MYH7B: variants seen among roughly 807,000 people sequenced by gnomAD.
MYH7B encodes the protein myosin heavy chain 7B, also known as myosin-7B.
Under a neutral mutation model 234.5 loss-of-function variants are expected in MYH7B, and 205 were observed. That is an observed-to-expected ratio of 0.87 (90% CI 0.78 to 0.98). The LOEUF (loss-of-function observed/expected upper bound fraction) is 0.98, where lower values mean the gene tolerates loss of function less well. Among genes scored for constraint, MYH7B ranks in the 50% least tolerant of loss-of-function variants. MYH7B has a pLI of 0.00. For missense variants in MYH7B, 2,652 were observed against 2,633.4 expected (o/e 1.01, Z -0.15); for synonymous variants, 1,193 against 1,105.0 (o/e 1.08, Z -1.58).
At chr20:34,958,710 C>T (rs1005875780) in intron 2 of MYH7B, among the ~76,000 whole-genome samples, 15 of 152,114 alleles carry the variant, frequency 9.9e-5, no homozygotes, top group African/African-American at 3.1e-4. Flanking sequence ...GTGATCCGTC[C>T]GCCTCTGCCT....
intron 2 of MYH7B, among the ~76,000 whole-genome samples, chr20:34,963,687 T>C (rs767196764): frequency 1.3e-5 from 2 of 152,234 alleles, no homozygotes; most frequent in South Asian, 2.1e-4. Context: ...CACTTACTTT[T>C]TCTAAGAGTT....
At chr20:35,002,123 G>A (rs370736251) in intron 44 of MYH7B, 38 bp downstream of exon 44, 4 of 1,609,608 alleles carry the variant, frequency 2.5e-6, no homozygotes, top group South Asian at 1.1e-5. Context: ...TGTGCAGGGG[G>A]ACTGTGGGGG....
chr20:35,002,093 G>C lies in MYH7B; in HGVS notation c.5814+8G>C, dbSNP rs892283606. The C allele has an allele frequency of 6.2e-7, 1 of 1,613,336 alleles. No homozygotes were observed. Among genetic ancestry groups the C allele is most frequent in the Non-Finnish European group, 8.5e-7 (1 of 1,179,876 alleles). On this transcript the variant is annotated splice_region_variant and intron_variant, in intron 44 of 44. Coordinates refer to ENST00000262873, the Ensembl canonical transcript of MYH7B. ...GACGCCCTGGGCCCCAAGGTGAGGAGTGGCAGGGGCATTGCTCTCTGTGCA... is the reference window on the plus strand; with the variant it reads ...GACGCCCTGGGCCCCAAGGTGAGGACTGGCAGGGGCATTGCTCTCTGTGCA...
chr20:34,975,203 G>A (rs1376458804), intron 2 of MYH7B, among the ~76,000 whole-genome samples, 197 bp from the exon 3 acceptor site: 1 of 152,146 alleles, frequency 6.6e-6, no homozygotes, highest in Non-Finnish European at 1.5e-5. Flanking sequence ...TTTGTACAGG[G>A]TACGGTTTTG....
chr20:34,987,045 C>A (rs2082040016), intron 15 of MYH7B, 56 bp downstream of exon 15: 2 of 1,608,518 alleles, frequency 1.2e-6, no homozygotes, highest in African/African-American at 2.7e-5. Flanking sequence ...AATCGGGCAG[C>A]ACTGCCGGTG....
In MYH7B at chr20:34,997,092, C is replaced by G. The variant is rs772942896; in HGVS notation, c.3276C>G (p.Ser1092=). ...ACTCTGTGGCTCCCAGGAAGGACTC[C>G]GAGCTGAGCCAGCTGAGCCTGCGGG... Residue 1092 remains serine, a synonymous_variant, in exon 31 of 45, where the codon TCC becomes TCG. Coordinates refer to ENST00000262873, the Ensembl canonical transcript of MYH7B. 2.5e-5 allele frequency: 38 copies of G among 1,548,062 alleles called. No individual in the cohort carries two copies. The highest frequency in any genetic ancestry group is 3.2e-5 in the Non-Finnish European group (37 of 1,146,670).
At chr20:34,988,725 C>T (rs1385968469) in intron 19 of MYH7B, among the ~76,000 whole-genome samples, 1 of 151,362 alleles carries the variant, frequency 6.6e-6, no homozygotes, top group African/African-American at 2.4e-5. Flanking sequence ...GAAAAATTGG[C>T]AGGGGAAAAA....
At chr20:34,998,747 A>G (rs565955758) in exon 35 of MYH7B, 1 of 1,612,478 alleles carries the variant, frequency 6.2e-7, no homozygotes, top group South Asian at 1.1e-5. Flanking sequence ...CACGCCGTGC[A>G]GGCTCTGCGG....
In MYH7B at chr20:34,996,507, G is replaced by A. The variant is rs41310801; in HGVS notation, c.3105G>A (p.Glu1035=). ...TGACCAAGGCCAAGCTCCGGCTGGA[G>A]CAACAGGTGGAGGACGTGAGTCAGG... The change falls in exon 29 of 45, where the codon GAG becomes GAA. Residue 1035 remains glutamate, a synonymous_variant. Transcript: ENST00000262873. 55,836 of 1,610,822 alleles carry A rather than the reference G, an allele frequency of 0.035. 1,181 individuals are homozygous for A. The highest frequency in any genetic ancestry group is 0.061 in the Middle Eastern group (367 of 6,012).
At chr20:34,981,392 G>T in intron 9 of MYH7B, 1 of 320,606 alleles carries the variant, frequency 3.1e-6, no homozygotes, top group Non-Finnish European at 5.8e-6. Flanking sequence ...AGATTCCTCT[G>T]CTTTTCCTCC....
intron 2 of MYH7B, among the ~76,000 whole-genome samples, chr20:34,971,965 C>T (rs898504873): frequency 6.6e-6 from 1 of 152,128 alleles, no homozygotes; most frequent in Non-Finnish European, 1.5e-5. Context: ...GCTGCTTGGG[C>T]CCATCTTCAC....
At chr20:34,980,662 G>A in exon 8 of MYH7B, 1 of 1,614,208 alleles carries the variant, frequency 6.2e-7, no homozygotes, top group East Asian at 2.2e-5. Context: ...TGCTTACAAG[G>A]GAAAGCGCCG....
chr20:34,973,771 T>G (rs60698672), intron 2 of MYH7B, among the ~76,000 whole-genome samples: 1 of 152,186 alleles, frequency 6.6e-6, no homozygotes, highest in Non-Finnish European at 1.5e-5. Context: ...GATTTTTTGT[T>G]TTTTGAGAGG....
exon 32 of MYH7B, chr20:34,997,451 G>A: frequency 6.7e-7 from 1 of 1,484,434 alleles, no homozygotes; most frequent in Non-Finnish European, 8.9e-7. Context: ...GGGAGCTGGA[G>A]GAGGCGGCGC....
At chr20:34,991,044 C>T (rs1489987591) in exon 24 of MYH7B, 4 of 1,613,882 alleles carry the variant, frequency 2.5e-6, no homozygotes, top group Non-Finnish European at 3.4e-6. Context: ...AGCTGCGCTG[C>T]AATGGGGTCC....
exon 32 of MYH7B, chr20:34,997,510 G>A: frequency 6.3e-7 from 1 of 1,591,324 alleles, no homozygotes. Flanking sequence ...CAGGCGGAGG[G>A]CGCGGCGGAG....
chr20:34,979,820 G>A lies in MYH7B; in HGVS notation c.342+16G>A, dbSNP rs1358145939. On this transcript the variant is annotated intron_variant, in intron 7 of 44. Coordinates refer to ENST00000262873, the Ensembl canonical transcript of MYH7B. ...GATGATCTATGTGAGCCCCAGGCCC[G>A]GGCCATGGGCGGGGTGGGGCTTGTA... The A allele has an allele frequency of 2.5e-6, 4 of 1,610,122 alleles. 1 individual carries two copies. In the South Asian group the frequency reaches 3.3e-5, roughly 13 times the overall value.
chr20:34,995,739 G>C lies in MYH7B; in HGVS notation c.2943+161G>C, dbSNP rs544695228. On this transcript the variant is annotated intron_variant, in intron 28 of 44. Transcript: ENST00000262873. ...TCAGTTTCTTTATCTGTCAAGTGGG[G>C]TTAGCAGCACTTACCCCATTAGGGT... Among the ~76,000 whole-genome samples, 123 of 152,370 alleles carry C rather than the reference G, an allele frequency of 8.1e-4. 1 individual carries two copies. The highest frequency in any genetic ancestry group is 2.8e-3 in the African/African-American group (118 of 41,592).
At chr20:34,980,869 T>C in intron 8 of MYH7B, 135 bp downstream of exon 8, 1 of 1,486,736 alleles carries the variant, frequency 6.7e-7, no homozygotes, top group Non-Finnish European at 9.3e-7. Context: ...AGCCGTTCTG[T>C]CCCTCCGCAT....
Sources: allele counts gnomAD v4.1 joint callset (sites outside exome capture counted in the v4.1 genomes callset), GRCh38; gene constraint gnomAD v4.1.1; transcripts MANE v1.5; gene names NCBI Gene and HGNC (gene_info 2026-07-23, HGNC 2026-07-21).